Variants in PPP2R2B observed in about 807,000 individuals in gnomAD.
PPP2R2B encodes the protein serine/threonine-protein phosphatase 2A 55 kDa regulatory subunit B beta isoform.
PPP2R2B carries 5 observed loss-of-function variants against 46.0 expected under a neutral mutation model. The ratio of observed to expected loss-of-function variants is 0.11; its 90% CI spans 0.06 to 0.23. The LOEUF (loss-of-function observed/expected upper bound fraction) is 0.23, where lower values mean the gene tolerates loss of function less well. Among genes scored for constraint, PPP2R2B ranks in the 10% least tolerant of loss-of-function variants. PPP2R2B has a pLI of 1.00. For missense variants in PPP2R2B, 367 were observed against 575.0 expected (o/e 0.64, Z 3.70); for synonymous variants, 215 against 206.7 (o/e 1.04, Z -0.34).
At chr5:147,035,325 T>C in intron 1 of PPP2R2B, 1 of 316,368 alleles carries the variant, frequency 3.2e-6, no homozygotes, top group South Asian at 2.3e-5. Flanking sequence ...GAGAACTCTA[T>C]CACGAGAACA....
At chr5:147,067,908 C>G (rs180873162) in intron 2 of PPP2R2B, among the ~76,000 whole-genome samples, 2 of 152,278 alleles carry the variant, frequency 1.3e-5, no homozygotes, top group Admixed American at 6.5e-5. Flanking sequence ...TCCACTTGCT[C>G]TGACATCGTG....
At chr5:146,797,729 AATT>A (rs1756628000) in intron 2 of PPP2R2B, among the ~76,000 whole-genome samples, 2 of 152,208 alleles carry the variant, frequency 1.3e-5, no homozygotes. Context: ...CTGAGAACCT[AATT>A]TTAAAACATT....
rs116754852 is a variant in PPP2R2B at position 146,974,061 on chromosome 5, C to A, written c.79+81604G>T. On this transcript the variant is annotated intron_variant, in intron 1 of 8. Transcript: ENST00000336640. ...TTTGTTTTTTCTAGAGAGTAAAGAACTAAGTAGATTAAGTTAGAAAAGAGT... is the reference window on the plus strand; with the variant it reads ...TTTGTTTTTTCTAGAGAGTAAAGAAATAAGTAGATTAAGTTAGAAAAGAGT... Among the ~76,000 whole-genome samples, 790 of 152,212 alleles carry A rather than the reference C, an allele frequency of 5.2e-3. 3 individuals are homozygous for A. The highest frequency in any genetic ancestry group is 0.018 in the African/African-American group (749 of 41,506).
intron 5 of PPP2R2B, among the ~76,000 whole-genome samples, chr5:146,661,000 G>T (rs1776633796): frequency 6.6e-6 from 1 of 152,164 alleles, no homozygotes; most frequent in African/African-American, 2.4e-5. Flanking sequence ...GAAAGAAATA[G>T]GGGCTCTAAC....
At chr5:146,881,917 T>G (rs979047607), upstream of PPP2R2B, among the ~76,000 whole-genome samples, 5 of 152,220 alleles carry the variant, frequency 3.3e-5, no homozygotes, top group Admixed American at 3.3e-4. Context: ...GTATTCCTAT[T>G]GAAATAATTG....
intron 2 of PPP2R2B, chr5:146,856,499 C>G: frequency 6.3e-7 from 1 of 1,582,940 alleles, no homozygotes; most frequent in Non-Finnish European, 8.7e-7. Flanking sequence ...ATACGAATAC[C>G]TTTATTTCCA....
At chr5:147,049,899 T>C (rs1756722022) in intron 1 of PPP2R2B, among the ~76,000 whole-genome samples, 1 of 152,162 alleles carries the variant, frequency 6.6e-6, no homozygotes, top group South Asian at 2.1e-4. Flanking sequence ...TCAAGGCATT[T>C]TTCTGAAAAG....
chr5:147,027,093 T>C (rs1355487811), intron 1 of PPP2R2B, among the ~76,000 whole-genome samples: 2 of 152,158 alleles, frequency 1.3e-5, no homozygotes, highest in South Asian at 2.1e-4. Flanking sequence ...TAGAATACTA[T>C]GCAGTGATAA....
At chr5:146,676,024 C>T (rs946758486) in intron 5 of PPP2R2B, among the ~76,000 whole-genome samples, 3 of 151,992 alleles carry the variant, frequency 2.0e-5, no homozygotes, top group Non-Finnish European at 4.4e-5. Context: ...GGCGGATTCA[C>T]CTTGGAGGGA....
chr5:146,969,570 T>A (rs1752576311), intron 1 of PPP2R2B, among the ~76,000 whole-genome samples: 1 of 152,198 alleles, frequency 6.6e-6, no homozygotes, highest in Non-Finnish European at 1.5e-5. Context: ...TAGACAAGGC[T>A]ATACCCAGGA....
intron 5 of PPP2R2B, among the ~76,000 whole-genome samples, chr5:146,658,936 A>G (rs988672192): frequency 1.9e-4 from 29 of 152,226 alleles, no homozygotes; most frequent in African/African-American, 7.0e-4. Flanking sequence ...TGTTCTATTA[A>G]TAGTCAAAGC....
chr5:146,951,129 T>G lies in PPP2R2B; in HGVS notation c.79+104536A>C, dbSNP rs927232494. Reference sequence around the variant, plus strand: ...TCACTCCTGGAGATGAACTCCAGATTTAAATAAAGCATTATTTCTGAGAAT... The same window carrying G: ...TCACTCCTGGAGATGAACTCCAGATGTAAATAAAGCATTATTTCTGAGAAT... On this transcript the variant is annotated intron_variant, in intron 1 of 8. Transcript: ENST00000336640. Among the ~76,000 whole-genome samples, 17 of 152,024 alleles carry G rather than the reference T, an allele frequency of 1.1e-4. 1 individual carries two copies. The highest frequency in any genetic ancestry group is 9.2e-4 in the Admixed American group (14 of 15,236).
At chr5:146,606,698 G>A (rs1772306927) in intron 7 of PPP2R2B, among the ~76,000 whole-genome samples, 1 of 152,160 alleles carries the variant, frequency 6.6e-6, no homozygotes, top group Non-Finnish European at 1.5e-5. Context: ...AACCAGTTGT[G>A]GTACTGATTT....
intron 1 of PPP2R2B, among the ~76,000 whole-genome samples, chr5:147,030,040 C>T (rs1425912110): frequency 1.3e-5 from 2 of 152,170 alleles, no homozygotes; most frequent in African/African-American, 4.8e-5. Flanking sequence ...CAAAAACAAT[C>T]CTGAAATTTT....
intron 1 of PPP2R2B, among the ~76,000 whole-genome samples, chr5:146,892,765 T>C (rs1408705821): frequency 6.6e-6 from 1 of 152,220 alleles, no homozygotes. Flanking sequence ...GTTGTAGGTT[T>C]CCAATGCACA....
intron 1 of PPP2R2B, among the ~76,000 whole-genome samples, chr5:146,981,960 G>C (rs986423463): frequency 2.0e-5 from 3 of 152,226 alleles, no homozygotes; most frequent in Admixed American, 2.0e-4. Context: ...CAGGTGGTCA[G>C]CATTTGGTCA....
rs924587516 is a variant in PPP2R2B, at chr5:146,759,555, C to T, written c.71-58413G>A. ...GTGGGCTTAAGAAACTCTTACTTAT[C>T]CTCCAAGACTCTGCTCAGGCATCAC... On this transcript the variant is annotated intron_variant, in intron 2 of 9. Transcript: ENST00000394411. Among the ~76,000 whole-genome samples, 3 of 152,210 alleles carry T rather than the reference C, an allele frequency of 2.0e-5. No individual in the cohort carries two copies. In the South Asian group the frequency reaches 6.2e-4, roughly 32 times the overall value.
intron 7 of PPP2R2B, among the ~76,000 whole-genome samples, chr5:146,621,086 T>C (rs899772409): frequency 5.9e-5 from 9 of 152,236 alleles, no homozygotes; most frequent in Admixed American, 4.6e-4. Flanking sequence ...ACAGCCCATC[T>C]TGGCATGGGC....
chr5:146,936,864 G>T (rs1450251964), intron 1 of PPP2R2B, among the ~76,000 whole-genome samples: 7 of 137,202 alleles, frequency 5.1e-5, no homozygotes, highest in South Asian at 2.4e-4. Flanking sequence ...GTGAGCCAGG[G>T]TTTTTTTTTT....
Sources: gnomAD v4.1 joint callset for allele counts (sites outside exome capture counted in the v4.1 genomes callset) on GRCh38, gnomAD v4.1.1 for gene constraint, MANE v1.5 for transcripts, NCBI Gene and HGNC (gene_info 2026-07-23, HGNC 2026-07-21) for gene names.